Variants in DLG2 observed in about 807,000 individuals in gnomAD.
The protein encoded by DLG2 is discs large MAGUK scaffold protein 2.
A neutral mutation model predicts 132.5 loss-of-function variants in DLG2; 45 were observed. That is an observed-to-expected ratio of 0.34 (90% CI 0.27 to 0.44). The LOEUF is 0.44. Ranked by LOEUF, DLG2 falls within the 20% of genes least tolerant of loss-of-function variation. DLG2 has a pLI of 1.00. For missense variants in DLG2, 1,045 were observed against 1,196.9 expected, an observed-to-expected ratio of 0.87 and a Z score of 1.87; for synonymous variants, 424 against 419.6, an observed-to-expected ratio of 1.01 and a Z score of -0.13.
At chr11:85,074,174 G>T (rs1184077507) in intron 6 of DLG2, among the ~76,000 whole-genome samples, 1 of 151,840 alleles carries the variant, frequency 6.6e-6, no homozygotes, top group Non-Finnish European at 1.5e-5. Context: ...GAAACAATCT[G>T]TACACCAAAC....
intron 8 of DLG2, among the ~76,000 whole-genome samples, chr11:84,234,478 C>T (rs543728923): frequency 6.6e-6 from 1 of 152,264 alleles, no homozygotes; most frequent in South Asian, 2.1e-4. Flanking sequence ...CCATGTGTCC[C>T]AGATCACTCT....
intron 17 of DLG2, among the ~76,000 whole-genome samples, chr11:83,813,045 C>A (rs1322832527): frequency 6.6e-6 from 1 of 152,134 alleles, no homozygotes; most frequent in Non-Finnish European, 1.5e-5. Flanking sequence ...CATAACAATC[C>A]TTTGAAGCAG....
intron 3 of DLG2, among the ~76,000 whole-genome samples, chr11:85,292,234 T>C (rs140220584): frequency 1.7e-3 from 252 of 152,230 alleles, no homozygotes; most frequent in African/African-American, 5.8e-3. Context: ...CACTGAAGCA[T>C]AGAAGTGGAA....
At chr11:83,649,532 C>T (rs17546256) in intron 18 of DLG2, among the ~76,000 whole-genome samples, 3,111 of 152,244 alleles carry the variant, frequency 0.02, 44 homozygotes, top group East Asian at 0.039. Context: ...CAGGAATAAC[C>T]AGGACAAACT....
intron 7 of DLG2, among the ~76,000 whole-genome samples, chr11:84,299,960 A>C (rs1265586786): frequency 6.6e-6 from 1 of 152,180 alleles, no homozygotes; most frequent in Admixed American, 6.6e-5. Flanking sequence ...TTTTATTCTA[A>C]ATATTAGAAT....
intron 19 of DLG2, among the ~76,000 whole-genome samples, chr11:83,577,516 T>C: frequency 7.7e-6 from 1 of 129,610 alleles, no homozygotes; most frequent in Non-Finnish European, 1.6e-5. Context: ...ATATTATATA[T>C]ATATGTATTA....
intron 6 of DLG2, among the ~76,000 whole-genome samples, chr11:84,946,682 G>C (rs780126789): frequency 5.9e-5 from 9 of 152,138 alleles, no homozygotes; most frequent in Non-Finnish European, 1.2e-4. Context: ...CTGTGGTTGA[G>C]AGAGAGGAAA....
intron 7 of DLG2, among the ~76,000 whole-genome samples, chr11:84,462,151 T>C (rs1321242239): frequency 6.6e-6 from 1 of 150,884 alleles, no homozygotes; most frequent in Admixed American, 6.6e-5. Context: ...AATTTATAAT[T>C]AATAATTTCA....
chr11:83,801,676 A>G (rs888706778), intron 17 of DLG2, among the ~76,000 whole-genome samples: 2 of 152,174 alleles, frequency 1.3e-5, no homozygotes, highest in Non-Finnish European at 2.9e-5. Context: ...AATCACATTG[A>G]AAGTAGCCTC....
At chr11:84,840,855 G>A (rs925154130) in intron 6 of DLG2, among the ~76,000 whole-genome samples, 5 of 151,986 alleles carry the variant, frequency 3.3e-5, no homozygotes, top group African/African-American at 1.2e-4. Context: ...TAGGGGGCAG[G>A]GGGAGGGATA....
intron 6 of DLG2, among the ~76,000 whole-genome samples, chr11:84,650,106 C>A (rs1261003644): frequency 6.6e-6 from 1 of 152,214 alleles, no homozygotes; most frequent in Admixed American, 6.5e-5. Flanking sequence ...ACCCCATGAG[C>A]TGAAAATTAC....
chr11:85,091,545 T>C (rs945480357), intron 6 of DLG2, among the ~76,000 whole-genome samples: 3 of 152,212 alleles, frequency 2.0e-5, no homozygotes, highest in African/African-American at 7.2e-5. Context: ...ATTCTACCCA[T>C]AGTAAAACTT....
At chr11:84,384,890 A>AG (rs1446336161) in intron 7 of DLG2, among the ~76,000 whole-genome samples, 2 of 152,120 alleles carry the variant, frequency 1.3e-5, no homozygotes, top group African/African-American at 2.4e-5. Flanking sequence ...GGAGTTCATG[A>AG]TACATTCAAA....
chr11:85,431,449 C>G (rs536884378), intron 3 of DLG2, among the ~76,000 whole-genome samples: 11 of 152,372 alleles, frequency 7.2e-5, no homozygotes, highest in Admixed American at 2.0e-4. Flanking sequence ...ACTACCAGGA[C>G]CTTGGCTCCC....
At chr11:84,685,873 G>C (rs1415007679) in intron 6 of DLG2, among the ~76,000 whole-genome samples, 2 of 152,072 alleles carry the variant, frequency 1.3e-5, no homozygotes, top group African/African-American at 4.8e-5. Flanking sequence ...TTTTTTAGTA[G>C]AGACGAGGTT....
At chr11:85,380,178 C>T (rs1217774047) in intron 3 of DLG2, among the ~76,000 whole-genome samples, 1 of 151,946 alleles carries the variant, frequency 6.6e-6, no homozygotes, top group Non-Finnish European at 1.5e-5. Flanking sequence ...AAATGTAAGA[C>T]ATGATCCTTT....
chr11:84,001,416 T>G (rs1303563914), intron 11 of DLG2, among the ~76,000 whole-genome samples: 2 of 151,682 alleles, frequency 1.3e-5, no homozygotes, highest in Admixed American at 1.3e-4. Flanking sequence ...ATGCTAAATA[T>G]ACATGCACCC....
chr11:84,871,994 T>C (rs1468007723), intron 6 of DLG2, among the ~76,000 whole-genome samples: 1 of 152,184 alleles, frequency 6.6e-6, no homozygotes, highest in Non-Finnish European at 1.5e-5. Context: ...TTTAAGTTAA[T>C]CTAATTAACT....
chr11:85,497,544 C>A (rs1287738163), intron 3 of DLG2, among the ~76,000 whole-genome samples: 3 of 152,104 alleles, frequency 2.0e-5, no homozygotes, highest in Non-Finnish European at 4.4e-5. Flanking sequence ...CCTGGCAAGT[C>A]AGGCCAACAT....
Sources: allele counts gnomAD v4.1 joint callset (sites outside exome capture counted in the v4.1 genomes callset), GRCh38; gene constraint gnomAD v4.1.1; transcripts MANE v1.5; gene names NCBI Gene and HGNC (gene_info 2026-07-23, HGNC 2026-07-21).